LAMC3: variants seen among roughly 807,000 people sequenced by gnomAD.
LAMC3 encodes laminin subunit gamma-3.
LAMC3 carries 128 observed loss-of-function variants against 173.8 expected under a neutral mutation model. The observed-to-expected ratio is 0.74, with a 90% CI of 0.64 to 0.85. LAMC3 has a LOEUF of 0.85. Among genes scored for constraint, LAMC3 ranks in the 40% least tolerant of loss-of-function variants. The pLI, the probability that LAMC3 is intolerant of heterozygous loss-of-function variation, is 0.00. For missense variants in LAMC3, 2,022 were observed against 2,156.0 expected (o/e 0.94, Z 1.23); for synonymous variants, 897 against 909.1 (o/e 0.99, Z 0.24).
chr9:131,052,944 A>T lies in LAMC3; in HGVS notation c.1918A>T (p.Ser640Cys). 1 of 1,613,446 alleles carries T rather than the reference A, an allele frequency of 6.2e-7. No individual in the cohort carries two copies. The highest frequency in any genetic ancestry group is 8.5e-7 in the Non-Finnish European group (1 of 1,179,924). ...CCTGACCAGCCTCCGCCTCCGCGTC[A>T]GTCCCGGCCCCAGCCCTGCCGGTCA... ...ANLTSLRLRVSPGPSPAGPVF... is the reference protein window; with the variant it reads ...ANLTSLRLRVCPGPSPAGPVF... The change falls in exon 11 of 28, where the codon AGT (serine) becomes TGT (cysteine). Residue 640 changes from serine (S) to cysteine (C), a missense_variant. By Grantham distance (112) the Ser-to-Cys change is moderately radical. Transcript: ENST00000361069.
intron 7 of LAMC3, among the ~76,000 whole-genome samples, chr9:131,044,526 T>C (rs1467671246): frequency 6.6e-6 from 1 of 152,058 alleles, no homozygotes; most frequent in African/African-American, 2.4e-5. Flanking sequence ...AAATTTAAAG[T>C]GCTTGAGCCA....
chr9:131,009,963 G>C lies in LAMC3; in HGVS notation c.373+376G>C, dbSNP rs1259899528. 6.6e-6 allele frequency among the ~76,000 whole-genome samples: 1 copy of C among 152,054 alleles called. No homozygotes were observed. Among genetic ancestry groups the C allele is most frequent in the Admixed American group, 6.6e-5 (1 of 15,262 alleles). Reference sequence around the variant, plus strand: ...GAGGTCAGGAGTTCGAGACCAGCCTGGCCAACATGGTGAAAACCCGTCTCT... The same window carrying C: ...GAGGTCAGGAGTTCGAGACCAGCCTCGCCAACATGGTGAAAACCCGTCTCT... On this transcript the variant is annotated intron_variant, in intron 1 of 27. Coordinates refer to ENST00000361069, the MANE Select transcript of LAMC3 (RefSeq NM_006059.4). This position sits in a 1 kb window ranked among gnomAD's most constrained non-coding sequence, Gnocchi z 4.3.
chr9:131,019,609 C>T (rs1833592187), intron 1 of LAMC3, among the ~76,000 whole-genome samples: 2 of 152,212 alleles, frequency 1.3e-5, no homozygotes, highest in African/African-American at 2.4e-5. Context: ...AAGTACTTTA[C>T]TCACACTGTA....
rs758143031 is a variant in LAMC3 at position 131,069,681 on chromosome 9, G to T, written c.2900G>T (p.Cys967Phe). The T allele has an allele frequency of 6.2e-7, 1 of 1,602,676 alleles. No individual in the cohort carries two copies. The highest frequency in any genetic ancestry group is 1.1e-5 in the South Asian group (1 of 88,952). Residue 967 changes from cysteine to phenylalanine, a missense_variant, in exon 17 of 28, where the codon TGC becomes TTC. Transcript: ENST00000361069. ...FSIKGCRACR[C>F]SPLGAASAQC... ...CCCCTGGCCCCTCTAGCCTGCAGGT[G>T]CTCCCCACTGGGCGCTGCCTCGGCC...
intron 8 of LAMC3, among the ~76,000 whole-genome samples, chr9:131,045,971 T>A (rs1370978035): frequency 6.6e-6 from 1 of 152,178 alleles, no homozygotes; most frequent in Admixed American, 6.5e-5. Flanking sequence ...CCTTGGTGTG[T>A]CTAAACACTG....
chr9:131,089,594 C>T (rs1830389221), intron 27 of LAMC3, among the ~76,000 whole-genome samples: 1 of 148,774 alleles, frequency 6.7e-6, no homozygotes. Context: ...CCCTATGTTG[C>T]CCAGGCTGGT....
At chr9:131,064,033 G>A (rs1156401574) in intron 13 of LAMC3, among the ~76,000 whole-genome samples, 1 of 151,964 alleles carries the variant, frequency 6.6e-6, no homozygotes, top group East Asian at 1.9e-4. Context: ...TCAGCCTCCC[G>A]AGTAGCTAGG....
At chr9:131,078,258 G>A (rs1352549652) in intron 22 of LAMC3, among the ~76,000 whole-genome samples, 1 of 152,132 alleles carries the variant, frequency 6.6e-6, no homozygotes, top group Non-Finnish European at 1.5e-5. Context: ...TTGGGAGGCT[G>A]AGGCGGGCGG....
chr9:131,091,433 G>T, intron 27 of LAMC3, 104 bp from the exon 28 acceptor site: 1 of 1,456,616 alleles, frequency 6.9e-7, no homozygotes, highest in Non-Finnish European at 9.4e-7. Flanking sequence ...TGGGCCATTG[G>T]AATCCTGGGA....
Position 131,039,177 on chromosome 9 carries a change from GC to G in LAMC3, c.1215del (p.Thr406ArgfsTer2), listed in dbSNP as rs768959333. ...CDDTGTCACK[P>X]TVTGWKCDRC... is the part of the protein sequence containing the mutation. The stretch of plus-strand genomic sequence containing the variant: ...ATGACACAGGCACCTGCGCCTGCAA[GC>G]CCACGGTGACTGGCTGGAAGTGTGA... On this transcript the variant is annotated frameshift_variant, in exon 6 of 28. Coordinates refer to ENST00000361069, the MANE Select transcript of LAMC3 (RefSeq NM_006059.4). LOFTEE classifies it high-confidence loss of function. 5 of 1,610,838 alleles carry G rather than the reference GC, an allele frequency of 3.1e-6. No homozygotes were observed. The highest frequency in any genetic ancestry group is 4.2e-6 in the Non-Finnish European group (5 of 1,180,006).
chr9:131,016,353 G>A (rs1357823417), intron 1 of LAMC3, among the ~76,000 whole-genome samples: 1 of 152,202 alleles, frequency 6.6e-6, no homozygotes, highest in Non-Finnish European at 1.5e-5. Context: ...AACAATGTGA[G>A]CTGTGCAAAT....
intron 27 of LAMC3, 95 bp downstream of exon 27, chr9:131,087,912 C>T (rs1470170270): frequency 1.0e-6 from 1 of 968,776 alleles, no homozygotes; most frequent in African/African-American, 1.6e-5. Flanking sequence ...AGATTTCCTC[C>T]TTGTCCTCAT....
chr9:131,019,777 G>A lies in LAMC3; in HGVS notation c.374-6508G>A, dbSNP rs1221376220. ...CCAGAGAGAAGGGGCTGCCTAGGAAGGGGGTGAAGGGGGTGCTGGTGCCCA... is the reference window on the plus strand; with the variant it reads ...CCAGAGAGAAGGGGCTGCCTAGGAAAGGGGTGAAGGGGGTGCTGGTGCCCA... On this transcript the variant is annotated intron_variant, in intron 1 of 27. Transcript: ENST00000361069. Among the ~76,000 whole-genome samples the A allele has an allele frequency of 3.3e-5, 5 of 152,234 alleles. 1 individual carries two copies. The highest frequency in any genetic ancestry group is 4.1e-4 in the South Asian group (2 of 4,828).
intron 6 of LAMC3, among the ~76,000 whole-genome samples, chr9:131,039,674 G>A (rs565270876): frequency 8.5e-5 from 13 of 152,096 alleles, no homozygotes; most frequent in African/African-American, 3.1e-4. Flanking sequence ...TGACTGTGGA[G>A]AGGGAGAGCA....
chr9:131,069,919 G>A (rs1045113428), intron 17 of LAMC3, 69 bp downstream of exon 17: 70 of 1,475,592 alleles, frequency 4.7e-5, no homozygotes, highest in South Asian at 2.1e-4. Context: ...GCTCTATGCC[G>A]GGCACCAGGA....
At chr9:131,019,109 A>G (rs1833582221) in intron 1 of LAMC3, among the ~76,000 whole-genome samples, 1 of 152,184 alleles carries the variant, frequency 6.6e-6, no homozygotes, top group Non-Finnish European at 1.5e-5. Context: ...CAGAAATACA[A>G]AAATTAGCCA....
chr9:131,038,691 A>G (rs1371797787), intron 4 of LAMC3, among the ~76,000 whole-genome samples, 173 bp from the exon 5 acceptor site: 1 of 152,168 alleles, frequency 6.6e-6, no homozygotes, highest in Non-Finnish European at 1.5e-5. Context: ...TGGAAAATCA[A>G]TTGATCAATG....
chr9:131,068,871 G>T, intron 15 of LAMC3, 37 bp from the exon 16 acceptor site: 1 of 1,613,108 alleles, frequency 6.2e-7, no homozygotes, highest in Non-Finnish European at 8.5e-7. Flanking sequence ...GAGTGGCCCT[G>T]AGCTTGCCTC....
chr9:131,056,679 G>C (rs1002897219), intron 11 of LAMC3, among the ~76,000 whole-genome samples: 1 of 152,076 alleles, frequency 6.6e-6, no homozygotes, highest in Non-Finnish European at 1.5e-5. Context: ...TGTAGTCGCA[G>C]CTACTTGGGA....
Sources: allele counts gnomAD v4.1 joint callset (sites outside exome capture counted in the v4.1 genomes callset), GRCh38; gene constraint gnomAD v4.1.1; non-coding constraint Gnocchi (gnomAD v3.1); transcripts MANE v1.5; gene names NCBI Gene and HGNC (gene_info 2026-07-23, HGNC 2026-07-21).